The following INPP4B variants were observed in gnomAD, a reference collection of about 807,000 sequenced individuals.
INPP4B encodes inositol polyphosphate 4-phosphatase type II.
INPP4B carries 55 observed loss-of-function variants against 122.5 expected under a neutral mutation model. The ratio of observed to expected loss-of-function variants is 0.45; its 90% CI spans 0.36 to 0.56. The LOEUF (loss-of-function observed/expected upper bound fraction) is 0.56, where lower values mean the gene tolerates loss of function less well. Ranked by LOEUF, INPP4B falls within the 20% of genes least tolerant of loss-of-function variation. The pLI, the probability that INPP4B is intolerant of heterozygous loss-of-function variation, is 0.00. For synonymous variants in INPP4B, 403 were observed against 388.7 expected, an observed-to-expected ratio of 1.04 and a Z score of -0.43; for missense variants, 1,000 against 1,097.7, an observed-to-expected ratio of 0.91 and a Z score of 1.26.
At chr4:142,428,297 T>C (rs1808542310) in intron 5 of INPP4B, among the ~76,000 whole-genome samples, 1 of 151,342 alleles carries the variant, frequency 6.6e-6, no homozygotes. Flanking sequence ...TATATTAATA[T>C]GTAAAGATTT....
At chr4:142,581,748 A>T (rs1735132923) in intron 2 of INPP4B, among the ~76,000 whole-genome samples, 1 of 151,978 alleles carries the variant, frequency 6.6e-6, no homozygotes, top group Non-Finnish European at 1.5e-5. Context: ...CAACTATTCT[A>T]AATTGAGCAT....
chr4:142,502,529 C>T (rs562441134), intron 2 of INPP4B, among the ~76,000 whole-genome samples: 1 of 152,250 alleles, frequency 6.6e-6, no homozygotes, highest in African/African-American at 2.4e-5. Flanking sequence ...GCTCTTGTCA[C>T]CCAGGCTGGA....
At chr4:142,822,071 G>A (rs527760142) in intron 1 of INPP4B, among the ~76,000 whole-genome samples, 1 of 152,228 alleles carries the variant, frequency 6.6e-6, no homozygotes, top group Admixed American at 6.5e-5. Context: ...CCCTGTCACT[G>A]GAGATTTTAA....
chr4:142,389,278 A>G (rs992791724), intron 7 of INPP4B, among the ~76,000 whole-genome samples: 3 of 151,688 alleles, frequency 2.0e-5, no homozygotes, highest in Admixed American at 1.3e-4. Context: ...AGAAACTTAG[A>G]AACTGGTAAA....
intron 2 of INPP4B, among the ~76,000 whole-genome samples, chr4:142,607,618 AC>A (rs1741547586): frequency 6.6e-6 from 1 of 152,156 alleles, no homozygotes; most frequent in Admixed American, 6.6e-5. Flanking sequence ...ATGTCTATGT[AC>A]AAAACAAGTT....
At chr4:142,069,655 C>A (rs1765801684) in intron 25 of INPP4B, among the ~76,000 whole-genome samples, 1 of 152,072 alleles carries the variant, frequency 6.6e-6, no homozygotes, top group South Asian at 2.1e-4. Context: ...AAGGGGATAT[C>A]AACACCTATC....
At chr4:142,150,940 T>C (rs1308373147) in intron 17 of INPP4B, among the ~76,000 whole-genome samples, 1 of 152,198 alleles carries the variant, frequency 6.6e-6, no homozygotes, top group Admixed American at 6.5e-5. Context: ...AAGCCAGAGC[T>C]GATATAGATG....
intron 10 of INPP4B, among the ~76,000 whole-genome samples, chr4:142,265,711 CA>C (rs1168723685): frequency 6.6e-6 from 1 of 152,100 alleles, no homozygotes; most frequent in African/African-American, 2.4e-5. Flanking sequence ...GAGCTGATGC[CA>C]AAATGTTTGA....
intron 5 of INPP4B, chr4:142,426,391 G>A (rs1808058145): frequency 6.6e-6 from 1 of 151,876 alleles, no homozygotes; most frequent in South Asian, 2.1e-4. Flanking sequence ...CAAACTCAGT[G>A]TTCTCTTAGG....
At chr4:142,808,125 C>CAT (rs61078060) in intron 1 of INPP4B, among the ~76,000 whole-genome samples, 14 of 151,908 alleles carry the variant, frequency 9.2e-5, no homozygotes, top group African/African-American at 3.1e-4. Flanking sequence ...CACACACACA[C>CAT]GAAAAGAAAC....
intron 15 of INPP4B, among the ~76,000 whole-genome samples, chr4:142,174,973 G>A (rs1330434018): frequency 6.6e-6 from 1 of 151,914 alleles, no homozygotes. Context: ...ATGGGAGCAG[G>A]GATTCTTTAG....
At chr4:142,035,373 T>C (rs1282941794) in intron 25 of INPP4B, among the ~76,000 whole-genome samples, 3 of 152,212 alleles carry the variant, frequency 2.0e-5, no homozygotes, top group Non-Finnish European at 4.4e-5. Context: ...ATAGGACAGA[T>C]GCTGTGAGCC....
At chr4:142,390,224 T>C (rs1332871498) in intron 7 of INPP4B, among the ~76,000 whole-genome samples, 1 of 152,194 alleles carries the variant, frequency 6.6e-6, no homozygotes. Context: ...AAGGGTGAAA[T>C]TTGGCTTTTT....
intron 2 of INPP4B, among the ~76,000 whole-genome samples, chr4:142,630,442 T>C (rs1021097098): frequency 6.6e-6 from 1 of 152,162 alleles, no homozygotes; most frequent in East Asian, 1.9e-4. Context: ...GTTTATGTTC[T>C]TCTGGGAGGT....
chr4:142,114,503 T>G (rs1041600649), intron 21 of INPP4B, among the ~76,000 whole-genome samples: 3 of 152,128 alleles, frequency 2.0e-5, no homozygotes, highest in African/African-American at 7.2e-5. Context: ...AAATTTATTC[T>G]CCTAGTGAGG....
intron 15 of INPP4B, among the ~76,000 whole-genome samples, chr4:142,182,775 C>A (rs1579201474): frequency 6.6e-6 from 1 of 152,174 alleles, no homozygotes; most frequent in East Asian, 1.9e-4. Flanking sequence ...CAATCCTGCC[C>A]AGGCTCCCTC....
chr4:142,297,988 G>A (rs1449372504), intron 9 of INPP4B, among the ~76,000 whole-genome samples: 2 of 152,148 alleles, frequency 1.3e-5, no homozygotes, highest in Non-Finnish European at 2.9e-5. Context: ...TCCATTAATA[G>A]ATGTTAAAGA....
intron 11 of INPP4B, among the ~76,000 whole-genome samples, chr4:142,251,784 G>T (rs901061395): frequency 7.9e-5 from 12 of 152,124 alleles, no homozygotes; most frequent in Non-Finnish European, 1.8e-4. Flanking sequence ...ATTCCCTATT[G>T]TTGGCTGCCT....
chr4:142,353,309 T>C (rs1782509287), intron 7 of INPP4B, among the ~76,000 whole-genome samples: 1 of 152,004 alleles, frequency 6.6e-6, no homozygotes, highest in African/African-American at 2.4e-5. Flanking sequence ...AATATTAGCC[T>C]CTAGGGGGAG....
Sources: allele counts gnomAD v4.1 joint callset (sites outside exome capture counted in the v4.1 genomes callset), GRCh38; gene constraint gnomAD v4.1.1; transcripts MANE v1.5; gene names NCBI Gene and HGNC (gene_info 2026-07-23, HGNC 2026-07-21).